Variants in PTPN21 observed in about 807,000 individuals in gnomAD.
PTPN21 encodes the protein protein tyrosine phosphatase non-receptor type 21, also known as tyrosine-protein phosphatase non-receptor type 21.
A neutral mutation model predicts 131.8 loss-of-function variants in PTPN21; 77 were observed. That is an observed-to-expected ratio of 0.58 (90% CI 0.49 to 0.71). The LOEUF is 0.71. Ranked by LOEUF, PTPN21 falls within the 30% of genes least tolerant of loss-of-function variation. The probability of loss-of-function intolerance (pLI) is 0.00; values close to 1 mark genes in which losing one functional copy is unlikely to be tolerated. For missense variants in PTPN21, 1,552 were observed against 1,527.1 expected, an observed-to-expected ratio of 1.02 and a Z score of -0.27; for synonymous variants, 715 against 621.3, an observed-to-expected ratio of 1.15 and a Z score of -2.24.
In PTPN21 at chr14:88,501,147, A is replaced by T; in HGVS notation, c.675+134T>A. 4 of 825,562 alleles carry T rather than the reference A, an allele frequency of 4.8e-6. 1 individual carries two copies. The highest frequency in any genetic ancestry group is 2.4e-4 in the Middle Eastern group (1 of 4,178). The allele number at this position is 825,562 out of a possible 1,614,324, so 51.1% of individuals were successfully genotyped here. Reference sequence around the variant, plus strand: ...TTACCACAAAACTTTGGTCACCAGGACCTCAGCTTTTAAGTTTCCAGAGTT... The same window carrying T: ...TTACCACAAAACTTTGGTCACCAGGTCCTCAGCTTTTAAGTTTCCAGAGTT... On this transcript the variant is annotated intron_variant, in intron 7 of 18. Coordinates refer to ENST00000556564, the MANE Select transcript of PTPN21 (RefSeq NM_007039.4).
At chr14:88,493,061 CACTT>C in intron 10 of PTPN21, 1 of 456,538 alleles carries the variant, frequency 2.2e-6, no homozygotes, top group Non-Finnish European at 4.4e-6. Flanking sequence ...CTTGCTGCTC[CACTT>C]ACTAGTTGTG....
In PTPN21 at chr14:88,479,978, T is replaced by A. The variant is rs751537049; in HGVS notation, c.1453A>T (p.Arg485Trp). 10 of 1,610,804 alleles carry A rather than the reference T, an allele frequency of 6.2e-6. No individual in the cohort carries two copies. The highest frequency in any genetic ancestry group is 7.6e-6 in the Non-Finnish European group (9 of 1,180,012). Residue 485 changes from arginine to tryptophan, a missense_variant, in exon 13 of 19, where the codon AGG becomes TGG. By Grantham distance (101) the Arg-to-Trp change is moderately radical (BLOSUM62 -3). Transcript: ENST00000556564. ...TGGCTGTAGACCAGCGCCGCGGGCC[T>A]GCTGTAGGCGTACGAGCTGCCGATG... Reference protein sequence around the residue: ...LNIGSSYAYSRPAALVYSQPE... With the variant: ...LNIGSSYAYSWPAALVYSQPE...
Position 88,468,048 on chromosome 14 carries a change from T to C in PTPN21, c.*89A>G, listed in dbSNP as rs1377750423. On this transcript the variant is annotated 3_prime_UTR_variant, in exon 19 of 19. Coordinates refer to ENST00000556564, the MANE Select transcript of PTPN21 (RefSeq NM_007039.4). ...CCAGTGCCACGCTGCGTGGATCAAGTGTCAACGGGAAAGTATGAGTTAGGC... is the reference window on the plus strand; with the variant it reads ...CCAGTGCCACGCTGCGTGGATCAAGCGTCAACGGGAAAGTATGAGTTAGGC... 6.7e-7 allele frequency: 1 copy of C among 1,484,648 alleles called. No individual in the cohort carries two copies. Among genetic ancestry groups the C allele is most frequent in the Non-Finnish European group, 9.3e-7 (1 of 1,071,646 alleles). 92.0% of individuals were successfully genotyped at this position (1,484,648 alleles called of 1,614,324 possible).
intron 2 of PTPN21, among the ~76,000 whole-genome samples, chr14:88,525,797 G>A (rs1431900913): frequency 1.3e-5 from 2 of 152,150 alleles, no homozygotes; most frequent in Admixed American, 6.5e-5. Flanking sequence ...GTGGAAACAA[G>A]CCAAATGTCC....
intron 4 of PTPN21, among the ~76,000 whole-genome samples, chr14:88,507,245 G>A (rs1026656436): frequency 1.3e-5 from 2 of 152,102 alleles, no homozygotes; most frequent in African/African-American, 4.8e-5. Context: ...AGCAGACAAA[G>A]TCTTTGAACT....
At chr14:88,525,095 C>T (rs1370039881) in intron 2 of PTPN21, among the ~76,000 whole-genome samples, 1 of 151,922 alleles carries the variant, frequency 6.6e-6, no homozygotes. Context: ...ATAAAATTAG[C>T]TGAGTACAGT....
chr14:88,512,927 C>T (rs370903598), intron 3 of PTPN21, among the ~76,000 whole-genome samples: 1 of 152,172 alleles, frequency 6.6e-6, no homozygotes, highest in Non-Finnish European at 1.5e-5. Flanking sequence ...ACATTGCCCA[C>T]TGAGTTCAGA....
At chr14:88,535,654 A>G (rs556275381) in intron 2 of PTPN21, among the ~76,000 whole-genome samples, 2 of 152,354 alleles carry the variant, frequency 1.3e-5, no homozygotes, top group African/African-American at 4.8e-5. Flanking sequence ...TATGACAGAA[A>G]ATAGAATAAA....
intron 2 of PTPN21, among the ~76,000 whole-genome samples, chr14:88,538,421 C>T (rs2078659557): frequency 6.6e-6 from 1 of 152,186 alleles, no homozygotes; most frequent in Non-Finnish European, 1.5e-5. Context: ...AGGGAACAAG[C>T]TCACCAAAGG....
intron 3 of PTPN21, among the ~76,000 whole-genome samples, chr14:88,511,275 C>T (rs1159662879): frequency 6.6e-6 from 1 of 152,052 alleles, no homozygotes; most frequent in Non-Finnish European, 1.5e-5. Context: ...AGAAATTACA[C>T]TTCAATGACA....
At chr14:88,516,292 T>C (rs1474199704) in intron 3 of PTPN21, among the ~76,000 whole-genome samples, 1 of 152,058 alleles carries the variant, frequency 6.6e-6, no homozygotes, top group Non-Finnish European at 1.5e-5. Context: ...GCAAACAGGA[T>C]TCCAGTAAAT....
chr14:88,470,045 A>G lies in PTPN21; in HGVS notation c.2877T>C (p.Ser959=). 6.2e-7 allele frequency: 1 copy of G among 1,612,822 alleles called. No individual in the cohort carries two copies. Among genetic ancestry groups the G allele is most frequent in the Non-Finnish European group, 8.5e-7 (1 of 1,178,776 alleles). The change falls in exon 16 of 19, where the codon TCT becomes TCC. Residue 959 remains serine (S), a synonymous_variant. Coordinates refer to ENST00000556564, the MANE Select transcript of PTPN21 (RefSeq NM_007039.4). ...GYINASHIKV[S]VSGIEWDYIA... ...TATAATCCCATTCGATTCCACTGAC[A>G]GAGACCTGGGATTAGAAAAGGTTAA... is the stretch of plus-strand genomic sequence containing the variant.
intron 3 of PTPN21, among the ~76,000 whole-genome samples, chr14:88,510,721 AT>A (rs1469640101): frequency 1.3e-5 from 2 of 152,172 alleles, no homozygotes; most frequent in African/African-American, 4.8e-5. Flanking sequence ...CATCTACAAA[AT>A]AGAGATAATA....
chr14:88,480,338 G>A lies in PTPN21; in HGVS notation c.1093C>T (p.Pro365Ser), dbSNP rs769864462. Residue 365 changes from proline to serine, a missense_variant, in exon 13 of 19, where the codon CCC becomes TCC. Pro to Ser is a moderately conservative substitution (Grantham distance 74, BLOSUM62 -1). Coordinates refer to ENST00000556564, the MANE Select transcript of PTPN21 (RefSeq NM_007039.4). ...TGACAGTAGTATCCGTTCTGGTTGG[G>A]CACAAAGAGGTTATCTAGAAAAAAT... ...YASSQDNLFVPNQNGYYCHSQ... is the reference protein window; with the variant it reads ...YASSQDNLFVSNQNGYYCHSQ... 7.5e-6 allele frequency: 12 copies of A among 1,609,604 alleles called. No homozygotes were observed. Among genetic ancestry groups the A allele is most frequent in the Non-Finnish European group, 1.0e-5 (12 of 1,176,902 alleles).
At chr14:88,536,868 G>C (rs1194813898) in intron 2 of PTPN21, among the ~76,000 whole-genome samples, 1 of 152,118 alleles carries the variant, frequency 6.6e-6, no homozygotes, top group Admixed American at 6.5e-5. Context: ...AGTCTATCCC[G>C]GGAAGAGATC....
At chr14:88,548,416 C>T (rs1404231910) in intron 2 of PTPN21, among the ~76,000 whole-genome samples, 1 of 152,200 alleles carries the variant, frequency 6.6e-6, no homozygotes, top group South Asian at 2.1e-4. Context: ...TTTGTTGGAA[C>T]TCCTCCAGCC....
At chr14:88,538,646 G>T (rs945551881) in intron 2 of PTPN21, among the ~76,000 whole-genome samples, 2 of 152,110 alleles carry the variant, frequency 1.3e-5, no homozygotes, top group African/African-American at 2.4e-5. Flanking sequence ...CATTTAGGAG[G>T]CCACTCTGAG....
chr14:88,518,386 G>A (rs867525079), intron 2 of PTPN21, among the ~76,000 whole-genome samples: 261 of 9,656 alleles, frequency 0.027, 6 homozygotes, highest in East Asian at 0.21. Context: ...GTGTGTGTGT[G>A]TATATATATA....
chr14:88,520,562 A>C (rs1490666579), intron 2 of PTPN21, among the ~76,000 whole-genome samples: 1 of 152,248 alleles, frequency 6.6e-6, no homozygotes, highest in African/African-American at 2.4e-5. Context: ...CTGTAAGCAT[A>C]GAATATGTAT....
Sources: gnomAD v4.1 joint callset for allele counts (sites outside exome capture counted in the v4.1 genomes callset) on GRCh38, gnomAD v4.1.1 for gene constraint, MANE v1.5 for transcripts, NCBI Gene and HGNC (gene_info 2026-07-23, HGNC 2026-07-21) for gene names.